PSD3: variants seen among roughly 807,000 people sequenced by gnomAD.
The protein encoded by PSD3 is PH and SEC7 domain-containing protein 3.
PSD3 carries 49 observed loss-of-function variants against 105.5 expected under a neutral mutation model. The observed-to-expected ratio is 0.46, with a 90% CI of 0.37 to 0.59. The LOEUF is 0.59. PSD3 is among the 20% of genes least tolerant of loss of function. PSD3 has a pLI of 0.00. For missense variants in PSD3, 1,561 were observed against 1,263.8 expected (o/e 1.24, Z -3.57); for synonymous variants, 557 against 457.8 (o/e 1.22, Z -2.77).
At chr8:18,731,752 A>G (rs1803766950) in intron 9 of PSD3, among the ~76,000 whole-genome samples, 1 of 152,208 alleles carries the variant, frequency 6.6e-6, no homozygotes, top group African/African-American at 2.4e-5. Flanking sequence ...AAAATCTAAA[A>G]TAAAACTAGG....
chr8:18,788,493 G>A (rs570822337), intron 8 of PSD3, among the ~76,000 whole-genome samples: 98 of 152,266 alleles, frequency 6.4e-4, no homozygotes, highest in African/African-American at 2.3e-3. Context: ...GGAGAGCTGC[G>A]AATAGGGCAG....
intron 9 of PSD3, among the ~76,000 whole-genome samples, chr8:18,761,714 G>A (rs949293926): frequency 3.3e-5 from 5 of 152,174 alleles, no homozygotes; most frequent in African/African-American, 9.7e-5. Flanking sequence ...CCTTACGAAT[G>A]TTTTACAAAA....
chr8:18,772,637 T>C (rs1355973040), intron 8 of PSD3, among the ~76,000 whole-genome samples: 2 of 152,154 alleles, frequency 1.3e-5, no homozygotes, highest in Non-Finnish European at 1.5e-5. Context: ...GCCTCCCAAG[T>C]AGCTGGGATT....
chr8:18,542,397 AG>A (rs1455505150), intron 15 of PSD3, among the ~76,000 whole-genome samples: 1 of 152,218 alleles, frequency 6.6e-6, no homozygotes, highest in African/African-American at 2.4e-5. Context: ...TCTGGGTCAG[AG>A]GATATTAGCC....
At chr8:18,839,700 G>T (rs1368631835) in intron 4 of PSD3, among the ~76,000 whole-genome samples, 1 of 152,128 alleles carries the variant, frequency 6.6e-6, no homozygotes, top group Non-Finnish European at 1.5e-5. Flanking sequence ...CATCACCACT[G>T]TAAGTCAACT....
At chr8:18,758,687 C>G (rs1479154112) in intron 9 of PSD3, among the ~76,000 whole-genome samples, 1 of 152,066 alleles carries the variant, frequency 6.6e-6, no homozygotes, top group African/African-American at 2.4e-5. Flanking sequence ...TTTATCTTTG[C>G]TGATCTTTTG....
chr8:18,805,090 T>A (rs769415455), intron 4 of PSD3, among the ~76,000 whole-genome samples, 192 bp from the exon 5 acceptor site: 3 of 152,190 alleles, frequency 2.0e-5, no homozygotes, highest in Non-Finnish European at 4.4e-5. Flanking sequence ...GCCTAAATCT[T>A]AGGCAAGCAG....
chr8:18,641,551 G>T (rs1309847015), intron 10 of PSD3, among the ~76,000 whole-genome samples: 1 of 152,190 alleles, frequency 6.6e-6, no homozygotes, highest in Non-Finnish European at 1.5e-5. Flanking sequence ...TATAATGCAA[G>T]AAATCCTTGT....
At chr8:18,647,201 G>A (rs545505526) in intron 10 of PSD3, among the ~76,000 whole-genome samples, 24 of 152,270 alleles carry the variant, frequency 1.6e-4, no homozygotes, top group Non-Finnish European at 3.4e-4. Flanking sequence ...ACTTAAATTT[G>A]CAACAAGGAA....
intron 12 of PSD3, among the ~76,000 whole-genome samples, chr8:18,596,642 G>A (rs1438729246): frequency 6.6e-6 from 1 of 151,902 alleles, no homozygotes; most frequent in African/African-American, 2.4e-5. Flanking sequence ...GAAACAGGAG[G>A]TATTGCAATT....
intron 1 of PSD3, among the ~76,000 whole-genome samples, chr8:18,959,231 T>C (rs1344036975): frequency 6.6e-6 from 1 of 151,938 alleles, no homozygotes; most frequent in Non-Finnish European, 1.5e-5. Flanking sequence ...TAAGTGGAGG[T>C]TCTTAATCCC....
intron 8 of PSD3, among the ~76,000 whole-genome samples, chr8:18,777,145 C>T (rs979634316): frequency 6.6e-6 from 1 of 152,004 alleles, no homozygotes; most frequent in African/African-American, 2.4e-5. Context: ...TGGGTTCAAG[C>T]AATTCTTGTG....
intron 8 of PSD3, among the ~76,000 whole-genome samples, chr8:18,797,552 C>G (rs571707219): frequency 6.6e-6 from 1 of 152,250 alleles, no homozygotes; most frequent in South Asian, 2.1e-4. Flanking sequence ...GTCCACAGCT[C>G]ATCTAGACAT....
At chr8:18,937,878 A>C (rs561109889) in intron 1 of PSD3, among the ~76,000 whole-genome samples, 2 of 152,264 alleles carry the variant, frequency 1.3e-5, no homozygotes, top group Non-Finnish European at 2.9e-5. Flanking sequence ...GAAATATGAC[A>C]GGCTGGGGAA....
rs1294788857 is a variant in PSD3 at position 18,936,098 on chromosome 8, CT to C, written c.65del (p.Gln22ArgfsTer52). On this transcript the variant is annotated frameshift_variant, in exon 2 of 16. Coordinates refer to ENST00000327040, the MANE Select transcript of PSD3 (RefSeq NM_015310.4). LOFTEE classifies it high-confidence loss of function. ...VWVNNASAHS[Q>X]SVAKAKYEFL... ...ATTCATATTTGGCCTTGGCAACACT[CT>C]GGGAATGTGCAGATGCATTGTTCAC... 6.2e-7 allele frequency: 1 copy of C among 1,613,404 alleles called. No homozygotes were observed.
intron 1 of PSD3, among the ~76,000 whole-genome samples, chr8:18,957,338 T>G (rs1823638874): frequency 6.7e-6 from 1 of 148,706 alleles, no homozygotes. Flanking sequence ...GTCACTGCAC[T>G]CTAGCCTGGT....
chr8:19,023,510 C>G (rs1022691444), intron 1 of PSD3, among the ~76,000 whole-genome samples: 1 of 151,944 alleles, frequency 6.6e-6, no homozygotes, highest in Non-Finnish European at 1.5e-5. Context: ...ATCACTGCAG[C>G]CTTGACCTCC....
upstream of PSD3, among the ~76,000 whole-genome samples, chr8:19,017,253 T>G (rs536253397): frequency 7.9e-5 from 12 of 152,118 alleles, no homozygotes; most frequent in Admixed American, 3.9e-4. Flanking sequence ...TCTCCCTATA[T>G]GGCTAGGCTA....
Position 18,867,465 on chromosome 8 carries a change from G to T in PSD3, c.1634+209C>A, listed in dbSNP as rs866278218. On this transcript the variant is annotated intron_variant, in intron 4 of 15. Transcript: ENST00000327040. The stretch of plus-strand genomic sequence containing the variant: ...ATATAGTCATCCAGGAAATCCCACA[G>T]ACTAAAATGATCACAGTGTGCCAAT... Among the ~76,000 whole-genome samples the T allele has an allele frequency of 2.0e-5, 3 of 152,120 alleles. No homozygotes were observed. The East Asian group carries it at 5.8e-4, about 29-fold the overall frequency.
Sources: gnomAD v4.1 joint callset for allele counts (sites outside exome capture counted in the v4.1 genomes callset) on GRCh38, gnomAD v4.1.1 for gene constraint, MANE v1.5 for transcripts, NCBI Gene and HGNC (gene_info 2026-07-23, HGNC 2026-07-21) for gene names.